The following SLC10A2 variants were observed in gnomAD, a reference collection of about 807,000 sequenced individuals.
SLC10A2 encodes ileal sodium/bile acid cotransporter.
SLC10A2 carries 34 observed loss-of-function variants against 27.1 expected under a neutral mutation model. The ratio of observed to expected loss-of-function variants is 1.26; its 90% CI spans 0.96 to 1.67. The LOEUF is 1.67. Ranked by LOEUF, SLC10A2 falls within the 40% of genes most tolerant of loss-of-function variation. The pLI is 0.00. For synonymous variants in SLC10A2, 205 were observed against 174.0 expected (o/e 1.18, Z -1.40); for missense variants, 530 against 444.4 (o/e 1.19, Z -1.73).
Position 103,049,390 on chromosome 13 carries a change from A to G in SLC10A2, c.818T>C (p.Ile273Thr), listed in dbSNP as rs774662211. The G allele has an allele frequency of 5.0e-6, 8 of 1,613,958 alleles. No homozygotes were observed. Among genetic ancestry groups the G allele is most frequent in the Middle Eastern group, 1.6e-4 (1 of 6,080 alleles). ...CTCAGGAGTGAAGGAGAGCTGAACG[A>G]TGGTGGAACATAGCTGCGTGTTCTG... Reference protein sequence around the residue: ...GMQNTQLCSTIVQLSFTPEEL... With the variant: ...GMQNTQLCSTTVQLSFTPEEL... Residue 273 changes from isoleucine to threonine, a missense_variant, in exon 5 of 6, where the codon ATC becomes ACC. Coordinates refer to ENST00000245312, the MANE Select transcript of SLC10A2 (RefSeq NM_000452.3).
intron 4 of SLC10A2, 58 bp from the exon 5 acceptor site, chr13:103,049,504 A>C: frequency 6.4e-7 from 1 of 1,556,360 alleles, no homozygotes; most frequent in Non-Finnish European, 8.8e-7. Context: ...TGAAACATGA[A>C]AAGCAGATAT....
intron 1 of SLC10A2, among the ~76,000 whole-genome samples, chr13:103,061,180 A>AACTT (rs201228486): frequency 0.065 from 9,953 of 152,230 alleles, 389 homozygotes; most frequent in African/African-American, 0.1. Context: ...GGTTATAGGT[A>AACTT]AATTTAGGCA....
chr13:103,065,594 T>A (rs1876248222), intron 1 of SLC10A2, among the ~76,000 whole-genome samples: 2 of 152,190 alleles, frequency 1.3e-5, no homozygotes, highest in African/African-American at 2.4e-5. Flanking sequence ...ATTACTTTTT[T>A]AAAAAAGCTT....
chr13:103,064,547 G>T (rs1362202816), intron 1 of SLC10A2, among the ~76,000 whole-genome samples: 1 of 152,086 alleles, frequency 6.6e-6, no homozygotes, highest in Admixed American at 6.6e-5. Flanking sequence ...TGTTTATTGG[G>T]GGTCAAGGCC....
chr13:103,059,437 C>T (rs962939146), intron 1 of SLC10A2, among the ~76,000 whole-genome samples: 2 of 152,044 alleles, frequency 1.3e-5, no homozygotes, highest in African/African-American at 4.8e-5. Context: ...GAAAGTCCTG[C>T]AAGAATCTGT....
chr13:103,062,439 A>G (rs117174631), intron 1 of SLC10A2, among the ~76,000 whole-genome samples: 2 of 152,252 alleles, frequency 1.3e-5, no homozygotes, highest in African/African-American at 2.4e-5. Flanking sequence ...AAATATACCA[A>G]CTTATTTTGA....
chr13:103,049,376 A>T lies in SLC10A2; in HGVS notation c.832T>A (p.Phe278Ile). ...QLCSTIVQLS[F>I]TPEELNVVFT... ...ACGACATTGAGCTCCTCAGGAGTGA[A>T]GGAGAGCTGAACGATGGTGGAACAT... is the stretch of plus-strand genomic sequence containing the variant. Residue 278 changes from phenylalanine to isoleucine, a missense_variant, in exon 5 of 6, where the codon TTC becomes ATC. Coordinates refer to ENST00000245312, the MANE Select transcript of SLC10A2 (RefSeq NM_000452.3). 2 of 1,614,078 alleles carry T rather than the reference A, an allele frequency of 1.2e-6. No homozygotes were observed. The highest frequency in any genetic ancestry group is 4.5e-5 in the East Asian group (2 of 44,870).
intron 2 of SLC10A2, among the ~76,000 whole-genome samples, chr13:103,055,947 A>C (rs936982489): frequency 3.9e-5 from 6 of 152,236 alleles, no homozygotes; most frequent in African/African-American, 1.4e-4. Context: ...TTTCACAAGC[A>C]ACGTCCTCTT....
intron 1 of SLC10A2, among the ~76,000 whole-genome samples, chr13:103,065,065 G>A (rs1340060663): frequency 2.0e-5 from 3 of 152,214 alleles, no homozygotes; most frequent in Non-Finnish European, 2.9e-5. Context: ...TACCTTTCAA[G>A]GGAAATGAGG....
At chr13:103,047,772 C>T (rs1315493167) in intron 5 of SLC10A2, among the ~76,000 whole-genome samples, 1 of 151,956 alleles carries the variant, frequency 6.6e-6, no homozygotes, top group Non-Finnish European at 1.5e-5. Flanking sequence ...TATTAATCAA[C>T]CTCTTTGGGG....
intron 2 of SLC10A2, among the ~76,000 whole-genome samples, chr13:103,054,987 C>T (rs1261179244): frequency 6.6e-6 from 1 of 152,050 alleles, no homozygotes; most frequent in Non-Finnish European, 1.5e-5. Flanking sequence ...CAAGTTTACA[C>T]AGTAGATATC....
In SLC10A2 at chr13:103,049,379, A is replaced by G. The variant is rs769930944; in HGVS notation, c.829T>C (p.Ser277Pro). The G allele has an allele frequency of 9.9e-6, 16 of 1,613,954 alleles. No homozygotes were observed. In the East Asian group the frequency reaches 3.6e-4, roughly 36 times the overall value. ...TQLCSTIVQL[S>P]FTPEELNVVF... ...ACATTGAGCTCCTCAGGAGTGAAGG[A>G]GAGCTGAACGATGGTGGAACATAGC... The change falls in exon 5 of 6, where the codon TCC (serine) becomes CCC (proline). Residue 277 changes from serine to proline, a missense_variant. Transcript: ENST00000245312.
intron 5 of SLC10A2, among the ~76,000 whole-genome samples, chr13:103,046,893 A>C (rs559366768): frequency 6.6e-6 from 1 of 152,342 alleles, no homozygotes; most frequent in South Asian, 2.1e-4. Context: ...ACATGTCTGC[A>C]CATGTGTGAG....
chr13:103,063,728 TA>T (rs1370516737), intron 1 of SLC10A2, among the ~76,000 whole-genome samples: 1 of 152,242 alleles, frequency 6.6e-6, no homozygotes, highest in Non-Finnish European at 1.5e-5. Flanking sequence ...CCGATCATGA[TA>T]AACATGATTA....
chr13:103,058,286 G>A lies in SLC10A2; in HGVS notation c.474C>T (p.Ile158=), dbSNP rs371460461. ...YTKMWVDSGS[I]VIPYDNIGTS... ...TACCTATGTTATCATAGGGAATTAC[G>A]ATGCTCCCAGAGTCGACCCACATTT... The change falls in exon 2 of 6, where the codon ATC becomes ATT. Residue 158 remains isoleucine, a synonymous_variant. Transcript: ENST00000245312. The A allele has an allele frequency of 2.2e-5, 35 of 1,603,462 alleles. No individual in the cohort carries two copies. Among genetic ancestry groups the A allele is most frequent in the African/African-American group, 1.6e-4 (12 of 74,762 alleles).
intron 1 of SLC10A2, among the ~76,000 whole-genome samples, chr13:103,065,083 A>C (rs1318419065): frequency 6.6e-6 from 1 of 152,226 alleles, no homozygotes; most frequent in Non-Finnish European, 1.5e-5. Context: ...AGGAATTGTG[A>C]GCTAAGGAAA....
At chr13:103,057,196 C>A (rs7992777) in intron 2 of SLC10A2, among the ~76,000 whole-genome samples, 61,549 of 151,924 alleles carry the variant, frequency 0.41, 13,310 homozygotes, top group Non-Finnish European at 0.48. Flanking sequence ...ATATAGTGTA[C>A]CTGGTGATTG....
chr13:103,049,944 T>C (rs1258635471), intron 4 of SLC10A2, among the ~76,000 whole-genome samples: 1 of 151,144 alleles, frequency 6.6e-6, no homozygotes, highest in Admixed American at 6.6e-5. Context: ...TGTCCAGGAG[T>C]TCAAGACCAG....
At position 103,066,078 on chromosome 13, in the gene SLC10A2, A is replaced by G. The variant is rs200322214; in HGVS notation, c.172T>C (p.Phe58Leu). ...SMGCNVEIKKFLGHIKRPWGI... is the reference protein window; with the variant it reads ...SMGCNVEIKKLLGHIKRPWGI... ...CACGGCCGCTTTATGTGCCCTAGAA[A>G]TTTCTTGATTTCCACGTTGCATCCC... The change falls in exon 1 of 6, where the codon TTT becomes CTT. Residue 58 changes from phenylalanine (F) to leucine (L), a missense_variant. Coordinates refer to ENST00000245312, the MANE Select transcript of SLC10A2 (RefSeq NM_000452.3). 5.6e-6 allele frequency: 9 copies of G among 1,614,152 alleles called. No individual in the cohort carries two copies. The Admixed American group carries it at 8.3e-5, about 15-fold the overall frequency.
Sources: allele counts gnomAD v4.1 joint callset (sites outside exome capture counted in the v4.1 genomes callset), GRCh38; gene constraint gnomAD v4.1.1; transcripts MANE v1.5; gene names NCBI Gene and HGNC (gene_info 2026-07-23, HGNC 2026-07-21).